The following WWC1 variants were observed in gnomAD, a reference collection of about 807,000 sequenced individuals.
WWC1 encodes WW and C2 domain containing 1.
Under a neutral mutation model 138.4 loss-of-function variants are expected in WWC1, and 55 were observed. The ratio of observed to expected loss-of-function variants is 0.40; its 90% CI spans 0.32 to 0.50. The LOEUF is 0.50. Among genes scored for constraint, WWC1 ranks in the 20% least tolerant of loss-of-function variants. The pLI is 0.72. For missense variants in WWC1, 1,226 were observed against 1,420.4 expected, an observed-to-expected ratio of 0.86 and a Z score of 2.20; for synonymous variants, 524 against 564.9, an observed-to-expected ratio of 0.93 and a Z score of 1.03.
At chr5:168,359,063 TGTGTGTG>T (rs1775684755) in intron 1 of WWC1, among the ~76,000 whole-genome samples, 1 of 123,614 alleles carries the variant, frequency 8.1e-6, no homozygotes, top group Non-Finnish European at 1.8e-5. Flanking sequence ...TGTGTGTGTG[TGTGTGTG>T]TTCGAGACAG....
chr5:168,406,671 G>T (rs529711992), intron 6 of WWC1, among the ~76,000 whole-genome samples: 3 of 152,224 alleles, frequency 2.0e-5, no homozygotes, highest in South Asian at 4.2e-4. Context: ...GCCGGGCGCG[G>T]TGGCTCACGC....
intron 5 of WWC1, 54 bp from the exon 6 acceptor site, chr5:168,406,144 G>T (rs1779771183): frequency 1.2e-6 from 2 of 1,600,422 alleles, no homozygotes; most frequent in South Asian, 1.1e-5. Flanking sequence ...CCCCTGGGGA[G>T]ACCCTGTCCC....
intron 2 of WWC1, among the ~76,000 whole-genome samples, chr5:168,375,598 C>T (rs1459834118): frequency 6.6e-6 from 1 of 151,322 alleles, no homozygotes; most frequent in Non-Finnish European, 1.5e-5. Flanking sequence ...TTTTTTTAGA[C>T]GAAGTCTCGC....
intron 6 of WWC1, 76 bp downstream of exon 6, chr5:168,406,403 T>C: frequency 6.3e-7 from 1 of 1,578,746 alleles, no homozygotes; most frequent in South Asian, 1.1e-5. Context: ...GTATGCGGGC[T>C]ATTTCCACGT....
intron 1 of WWC1, among the ~76,000 whole-genome samples, chr5:168,356,833 G>T (rs1164305697): frequency 6.6e-6 from 1 of 152,186 alleles, no homozygotes; most frequent in Non-Finnish European, 1.5e-5. Context: ...CTGGGAATAA[G>T]GGAAGCCCAT....
chr5:168,366,245 A>T (rs1438377700), intron 1 of WWC1, among the ~76,000 whole-genome samples: 1 of 152,110 alleles, frequency 6.6e-6, no homozygotes, highest in East Asian at 1.9e-4. Context: ...ACATCTCTTC[A>T]TCCTGAATGA....
intron 2 of WWC1, among the ~76,000 whole-genome samples, chr5:168,379,473 C>T (rs1777457639): frequency 6.6e-6 from 1 of 152,148 alleles, no homozygotes; most frequent in Non-Finnish European, 1.5e-5. Flanking sequence ...GATCTTGGCT[C>T]ACTGCAACCT....
intron 17 of WWC1, among the ~76,000 whole-genome samples, chr5:168,447,620 G>C (rs1429094950): frequency 6.6e-6 from 1 of 151,976 alleles, no homozygotes; most frequent in Admixed American, 6.6e-5. Context: ...GACAGGATTG[G>C]GCCCACTGGC....
chr5:168,390,997 A>G (rs1249312555), intron 3 of WWC1, among the ~76,000 whole-genome samples: 1 of 152,244 alleles, frequency 6.6e-6, no homozygotes, highest in Admixed American at 6.5e-5. Context: ...CCAAAGGCAC[A>G]CTGGTAAAGA....
At chr5:168,404,316 G>A (rs1779618809) in intron 5 of WWC1, among the ~76,000 whole-genome samples, 1 of 152,240 alleles carries the variant, frequency 6.6e-6, no homozygotes, top group Non-Finnish European at 1.5e-5. Context: ...TTGCCACGGA[G>A]CATCTTCTAA....
Position 168,431,457 on chromosome 5 carries a change from TCTGG to T in WWC1, c.2280+57_2280+60del, listed in dbSNP as rs11279828. The T allele has an allele frequency of 0.39, 545,172 of 1,406,984 alleles. 105,519 individuals are homozygous for T. Among genetic ancestry groups the T allele is most frequent in the Middle Eastern group, 0.46 (2,291 of 4,956 alleles). The allele number at this position is 1,406,984 out of a possible 1,614,324, so 87.2% of individuals were successfully genotyped here. Reference sequence around the variant, plus strand: ...GGAAGAGTGCCTGGTAAGGGCCGTGTCTGGCTGGCTGGCTGGCTGGCTGGCTGGC... The same window carrying T: ...GGAAGAGTGCCTGGTAAGGGCCGTGTCTGGCTGGCTGGCTGGCTGGCTGGC... On this transcript the variant is annotated intron_variant, in intron 15 of 22. Transcript: ENST00000265293.
rs539270276 is a variant in WWC1 at position 168,439,220 on chromosome 5, C to T, written c.2281-2462C>T. The stretch of plus-strand genomic sequence containing the variant: ...ACAATATAGCCTGGCCATCTCTCTG[C>T]ATCAGTAAAAAGAGATCTTCCTCTT... On this transcript the variant is annotated intron_variant, in intron 15 of 22. Transcript: ENST00000265293. Among the ~76,000 whole-genome samples the T allele has an allele frequency of 5.3e-5, 8 of 152,308 alleles. No homozygotes were observed. The South Asian group carries it at 1.2e-3, about 24-fold the overall frequency.
intron 17 of WWC1, among the ~76,000 whole-genome samples, chr5:168,447,155 G>C (rs140308930): frequency 6.6e-6 from 1 of 152,188 alleles, no homozygotes. Context: ...ATGTCATGGG[G>C]TATTTTGCAA....
chr5:168,349,475 G>A (rs1456275321), intron 1 of WWC1, among the ~76,000 whole-genome samples: 2 of 151,978 alleles, frequency 1.3e-5, no homozygotes, highest in East Asian at 3.9e-4. Flanking sequence ...CACTCTCCAG[G>A]GCCTCATCCT....
At chr5:168,340,678 A>G (rs919949150) in intron 1 of WWC1, among the ~76,000 whole-genome samples, 27 of 152,266 alleles carry the variant, frequency 1.8e-4, no homozygotes, top group South Asian at 1.0e-3. Context: ...ATTGCTTTTC[A>G]TTGCCAAATA....
intron 1 of WWC1, among the ~76,000 whole-genome samples, chr5:168,306,189 G>C (rs1171037804): frequency 6.6e-6 from 1 of 152,178 alleles, no homozygotes; most frequent in Non-Finnish European, 1.5e-5. Context: ...GTGAGGTCAG[G>C]AGTTCGAGAC....
chr5:168,430,489 A>G (rs1781853524), intron 14 of WWC1, among the ~76,000 whole-genome samples: 1 of 152,190 alleles, frequency 6.6e-6, no homozygotes, highest in Non-Finnish European at 1.5e-5. Flanking sequence ...GCTGCATGCC[A>G]GCTCTAGGAA....
At chr5:168,311,625 C>T (rs545057330) in intron 1 of WWC1, among the ~76,000 whole-genome samples, 1 of 152,246 alleles carries the variant, frequency 6.6e-6, no homozygotes, top group South Asian at 2.1e-4. Flanking sequence ...AATCCCAGCA[C>T]TTTGGGAGGC....
chr5:168,415,891 G>A (rs1044685665), intron 9 of WWC1: 1 of 143,172 alleles, frequency 7.0e-6, no homozygotes, highest in South Asian at 2.3e-4. Flanking sequence ...ATGAGCAAGG[G>A]AATTCCTTTT....
Sources: allele counts gnomAD v4.1 joint callset (sites outside exome capture counted in the v4.1 genomes callset), GRCh38; gene constraint gnomAD v4.1.1; transcripts MANE v1.5; gene names NCBI Gene and HGNC (gene_info 2026-07-23, HGNC 2026-07-21).